The following C4orf50 variants were observed in gnomAD, a reference collection of about 807,000 sequenced individuals.
C4orf50 encodes the protein uncharacterized protein C4orf50.
A neutral mutation model predicts 77.2 loss-of-function variants in C4orf50; 80 were observed. The observed-to-expected ratio is 1.04, with a 90% CI of 0.87 to 1.25. C4orf50 has a LOEUF of 1.25. Ranked by LOEUF, C4orf50 falls within the 50% of genes most tolerant of loss-of-function variation. The pLI is 0.00. For missense variants in C4orf50, 1,257 were observed against 1,152.9 expected (o/e 1.09, Z -1.31); for synonymous variants, 532 against 465.3 (o/e 1.14, Z -1.84).
chr4:5,990,292 C>A, exon 28 of C4orf50: 2 of 1,136,678 alleles, frequency 1.8e-6, no homozygotes, highest in Non-Finnish European at 2.2e-6. Context: ...GTTCTGATGG[C>A]TTTCCTGACT....
chr4:5,972,892 G>C (rs1560573729), intron 31 of C4orf50, among the ~76,000 whole-genome samples: 1 of 152,232 alleles, frequency 6.6e-6, no homozygotes, highest in Non-Finnish European at 1.5e-5. Context: ...GTAGTCAGGA[G>C]AGCTGGCATT....
At chr4:5,965,589 A>G (rs878145) in intron 32 of C4orf50, among the ~76,000 whole-genome samples, 106,560 of 152,212 alleles carry the variant, frequency 0.7, 38,541 homozygotes, top group African/African-American at 0.83. Flanking sequence ...GAGAGGGAAG[A>G]AGACTTGCCT....
chr4:5,930,595 G>T (rs1374891825), intron 7 of C4orf50, among the ~76,000 whole-genome samples: 1 of 152,228 alleles, frequency 6.6e-6, no homozygotes, highest in East Asian at 1.9e-4. Flanking sequence ...CTCACTGTGG[G>T]CGTGTGTGCA....
chr4:5,977,367 T>A (rs1281821437), intron 29 of C4orf50, among the ~76,000 whole-genome samples: 2 of 152,182 alleles, frequency 1.3e-5, no homozygotes, highest in Non-Finnish European at 2.9e-5. Flanking sequence ...CGGACCAACA[T>A]ACCTATATGG....
intron 25 of C4orf50, among the ~76,000 whole-genome samples, chr4:6,003,667 G>C (rs1361562444): frequency 7.0e-6 from 1 of 142,022 alleles, no homozygotes; most frequent in Non-Finnish European, 1.6e-5. Context: ...TGATGATGGT[G>C]ATGGTGATGA....
chr4:6,010,587 T>C (rs1722452850), intron 24 of C4orf50, among the ~76,000 whole-genome samples: 1 of 152,218 alleles, frequency 6.6e-6, no homozygotes, highest in Admixed American at 6.5e-5. Context: ...TCTATATTGA[T>C]CTGATTTTAA....
Position 5,993,868 on chromosome 4 carries a change from A to AG in C4orf50, c.1093+478_1093+479insC, listed in dbSNP as rs1311680519. On this transcript the variant is annotated intron_variant, in intron 26 of 33. Transcript: ENST00000531445. Reference sequence around the variant, plus strand: ...TAAATAAAAATAAATAAAAAAAAAAAAGAGAGAGAGAGATATTGGTTCACA... The same window carrying AG: ...TAAATAAAAATAAATAAAAAAAAAAAGAGAGAGAGAGAGATATTGGTTCACA... Among the ~76,000 whole-genome samples the AG allele has an allele frequency of 2.0e-4, 30 of 147,506 alleles. No homozygotes were observed. In the South Asian group the frequency reaches 5.7e-3, roughly 28 times the overall value.
intron 29 of C4orf50, among the ~76,000 whole-genome samples, chr4:5,976,686 G>A (rs1720306355): frequency 6.6e-6 from 1 of 152,212 alleles, no homozygotes; most frequent in Non-Finnish European, 1.5e-5. Context: ...CATCTGTGAA[G>A]GGGGCTCATA....
At chr4:5,965,692 T>G (rs13137986) in intron 32 of C4orf50, among the ~76,000 whole-genome samples, 54,215 of 151,910 alleles carry the variant, frequency 0.36, 9,902 homozygotes, top group Admixed American at 0.44. Context: ...AGGCTGTAGG[T>G]ACAGAAGGCC....
In C4orf50 at chr4:6,008,265, C is replaced by T. The variant is rs1325791105; in HGVS notation, c.694G>A (p.Gly232Ser). Residue 232 changes from glycine (G) to serine (S), a missense_variant, in exon 25 of 34, where the codon GGC (glycine) becomes AGC (serine). Gly to Ser is a moderately conservative substitution (Grantham distance 56, BLOSUM62 0). Coordinates refer to ENST00000531445, the Ensembl canonical transcript of C4orf50. The surrounding 1 kb of genome is among the most constrained non-coding windows in gnomAD (Gnocchi z 6.0). ...AGTTCCGCAGCCGCCTCGGTGGCGCCCTGGGAGCCTGGGGCCGCGGTGTCC... is the reference window on the plus strand; with the variant it reads ...AGTTCCGCAGCCGCCTCGGTGGCGCTCTGGGAGCCTGGGGCCGCGGTGTCC... 2 of 392,696 alleles carry T rather than the reference C, an allele frequency of 5.1e-6. No homozygotes were observed. The highest frequency in any genetic ancestry group is 9.0e-6 in the Non-Finnish European group (2 of 222,338). 24.3% of individuals were successfully genotyped at this position (392,696 alleles called of 1,614,324 possible).
chr4:6,016,577 A>G (rs1021424016), intron 23 of C4orf50, among the ~76,000 whole-genome samples: 1 of 152,154 alleles, frequency 6.6e-6, no homozygotes, highest in African/African-American at 2.4e-5. Flanking sequence ...AAACAAAAAC[A>G]AATTGGTTTT....
chr4:5,929,579 G>C (rs1255028191), intron 7 of C4orf50, among the ~76,000 whole-genome samples: 2 of 152,172 alleles, frequency 1.3e-5, no homozygotes, highest in East Asian at 3.8e-4. Flanking sequence ...AAAGGGGAAA[G>C]GAAATTTACA....
At chr4:6,003,994 T>G in intron 25 of C4orf50, among the ~76,000 whole-genome samples, 1 of 145,958 alleles carries the variant, frequency 6.9e-6, no homozygotes, top group African/African-American at 2.7e-5. Context: ...ATGATGGTGA[T>G]GATGGTGATG....
intron 7 of C4orf50, among the ~76,000 whole-genome samples, chr4:5,934,578 C>T (rs1717925225): frequency 6.6e-6 from 1 of 152,128 alleles, no homozygotes; most frequent in South Asian, 2.1e-4. Flanking sequence ...CTGGCATGTT[C>T]TTCACCCATG....
intron 32 of C4orf50, among the ~76,000 whole-genome samples, chr4:5,965,751 C>A (rs918012509): frequency 6.6e-6 from 1 of 152,188 alleles, no homozygotes; most frequent in Non-Finnish European, 1.5e-5. Flanking sequence ...ACTGAGAACA[C>A]GTTTCTCTGC....
intron 28 of C4orf50, among the ~76,000 whole-genome samples, chr4:5,983,532 C>A (rs1463624630): frequency 6.6e-6 from 1 of 152,212 alleles, no homozygotes; most frequent in Non-Finnish European, 1.5e-5. Flanking sequence ...TTCAACTCCT[C>A]AGATTTCCAC....
intron 26 of C4orf50, among the ~76,000 whole-genome samples, chr4:5,994,123 G>C (rs947429431): frequency 6.6e-6 from 1 of 152,172 alleles, no homozygotes; most frequent in African/African-American, 2.4e-5. Flanking sequence ...AGCTGAGCCC[G>C]AGCCAAAGGC....
downstream of C4orf50, among the ~76,000 whole-genome samples, chr4:5,952,833 GCCT>G (rs1718788961): frequency 6.6e-6 from 1 of 152,114 alleles, no homozygotes. The surrounding 1 kb of genome is among the most constrained non-coding windows in gnomAD (Gnocchi z 4.4). Context: ...CGACACTCCC[GCCT>G]CCAAGAACGA....
intron 7 of C4orf50, among the ~76,000 whole-genome samples, chr4:5,946,975 G>A (rs1356358377): frequency 1.3e-5 from 2 of 152,176 alleles, no homozygotes; most frequent in Non-Finnish European, 2.9e-5. Flanking sequence ...TGGTGCTCTT[G>A]GCCAGTGCCC....
Sources: allele counts gnomAD v4.1 joint callset (sites outside exome capture counted in the v4.1 genomes callset), GRCh38; gene constraint gnomAD v4.1.1; non-coding constraint Gnocchi (gnomAD v3.1); transcripts MANE v1.5; gene names NCBI Gene and HGNC (gene_info 2026-07-23, HGNC 2026-07-21).